ANKRD33B: variants seen among roughly 807,000 people sequenced by gnomAD.
ANKRD33B encodes ankyrin repeat domain 33B.
In ANKRD33B, 6 loss-of-function variants were observed where a neutral mutation model predicts 21.5. That is an observed-to-expected ratio of 0.28 (90% confidence interval 0.15 to 0.55). ANKRD33B has a LOEUF of 0.55. Ranked by LOEUF, ANKRD33B falls within the 20% of genes least tolerant of loss-of-function variation. ANKRD33B has a pLI of 0.94. For synonymous variants in ANKRD33B, 347 were observed against 342.4 expected (o/e 1.01, Z -0.15); for missense variants, 698 against 747.2 (o/e 0.93, Z 0.77).
At chr5:10,566,184 G>C (rs1560957531) in intron 1 of ANKRD33B, among the ~76,000 whole-genome samples, 1 of 152,190 alleles carries the variant, frequency 6.6e-6, no homozygotes, top group East Asian at 1.9e-4. Context: ...CTTGTCATAT[G>C]TTAGGCAGTG....
chr5:10,620,403 G>T (rs150480144), intron 2 of ANKRD33B, among the ~76,000 whole-genome samples: 1,594 of 152,224 alleles, frequency 0.01, 12 homozygotes, highest in South Asian at 0.016. Context: ...AAGTAAAGAG[G>T]TCTCCATGGC....
intron 3 of ANKRD33B, among the ~76,000 whole-genome samples, chr5:10,643,531 C>T (rs1737113238): frequency 6.6e-6 from 1 of 152,090 alleles, no homozygotes; most frequent in South Asian, 2.1e-4. Context: ...AGTGTGACAT[C>T]TTGGCCGGGC....
At chr5:10,621,445 T>C (rs767947058) in intron 2 of ANKRD33B, among the ~76,000 whole-genome samples, 9 of 152,240 alleles carry the variant, frequency 5.9e-5, no homozygotes, top group Non-Finnish European at 1.0e-4. Context: ...CCTTTCCATA[T>C]GCTTCCCCCA....
intron 2 of ANKRD33B, among the ~76,000 whole-genome samples, chr5:10,621,867 A>T (rs556275102): frequency 6.6e-6 from 1 of 152,188 alleles, no homozygotes; most frequent in Admixed American, 6.5e-5. Flanking sequence ...GAAGGTGGGG[A>T]TTTGGGGAAG....
chr5:10,612,764 G>A (rs1215286648), intron 1 of ANKRD33B, among the ~76,000 whole-genome samples: 1 of 152,060 alleles, frequency 6.6e-6, no homozygotes, highest in African/African-American at 2.4e-5. Flanking sequence ...ATTTTAATTT[G>A]CATTGTCTTA....
chr5:10,600,454 A>G (rs1321644458), intron 1 of ANKRD33B, among the ~76,000 whole-genome samples: 1 of 152,220 alleles, frequency 6.6e-6, no homozygotes, highest in Non-Finnish European at 1.5e-5. Context: ...GTTCAATGTA[A>G]TATGCATGAG....
Position 10,649,423 on chromosome 5 carries a change from G to T in ANKRD33B, c.795G>T (p.Pro265=). The T allele has an allele frequency of 1.3e-6, 2 of 1,535,368 alleles. No individual in the cohort carries two copies. Among genetic ancestry groups the T allele is most frequent in the Non-Finnish European group, 1.7e-6 (2 of 1,146,484 alleles). The change falls in exon 4 of 4, where the codon CCG becomes CCT. Residue 265 remains proline, a synonymous_variant. Coordinates refer to ENST00000296657, the MANE Select transcript of ANKRD33B (RefSeq NM_001164440.2). Reference sequence around the variant, plus strand: ...AGAAGTACCGGCCCGAGCTGCCGCCGCCCCCTGAAGCGGCGCGGAAGCCCG... The same window carrying T: ...AGAAGTACCGGCCCGAGCTGCCGCCTCCCCCTGAAGCGGCGCGGAAGCCCG... ...FWEKYRPELP[P]PPEAARKPAG...
intron 1 of ANKRD33B, among the ~76,000 whole-genome samples, chr5:10,566,025 T>G (rs1356096972): frequency 6.6e-6 from 1 of 152,186 alleles, no homozygotes; most frequent in Admixed American, 6.5e-5. Context: ...CCCTCCAATG[T>G]CACTCTCCCC....
chr5:10,649,751 G>A lies in ANKRD33B; in HGVS notation c.1123G>A (p.Asp375Asn), dbSNP rs1301094207. Residue 375 changes from aspartate to asparagine, a missense_variant, in exon 4 of 4, where the codon GAC becomes AAC. By Grantham distance (23) the Asp-to-Asn change is conservative (BLOSUM62 1). Coordinates refer to ENST00000296657, the MANE Select transcript of ANKRD33B (RefSeq NM_001164440.2). ...AGQRGRTGQE[D>N]ADSREGSPRA... ...GCAGCGCGGGCGGACCGGACAGGAGGACGCGGACTCCCGGGAGGGCTCCCC... is the reference window on the plus strand; with the variant it reads ...GCAGCGCGGGCGGACCGGACAGGAGAACGCGGACTCCCGGGAGGGCTCCCC... 2 of 1,448,588 alleles carry A rather than the reference G, an allele frequency of 1.4e-6. No individual in the cohort carries two copies. The highest frequency in any genetic ancestry group is 2.7e-5 in the East Asian group (1 of 37,006). The allele number at this position is 1,448,588 out of a possible 1,614,324, so 89.7% of individuals were successfully genotyped here. A position where few individuals can be genotyped will look rare whatever the true frequency, so the allele number is the denominator to read the frequency against.
chr5:10,564,280 C>G lies in ANKRD33B; in HGVS notation c.-188C>G, dbSNP rs1734993287. The G allele has an allele frequency of 4.2e-6, 1 of 236,358 alleles. No individual in the cohort carries two copies. Among genetic ancestry groups the G allele is most frequent in the African/African-American group, 2.3e-5 (1 of 42,954 alleles). The allele number at this position is 236,358 out of a possible 1,614,324, so 14.6% of individuals were successfully genotyped here. ...CCCGCGGTCCCGCCCACCCCAGGGGCTCGCTCAGCCTCCGGAGACTTTTTT... is the reference window on the plus strand; with the variant it reads ...CCCGCGGTCCCGCCCACCCCAGGGGGTCGCTCAGCCTCCGGAGACTTTTTT... On this transcript the variant is annotated 5_prime_UTR_variant, in exon 1 of 4. Coordinates refer to ENST00000296657, the MANE Select transcript of ANKRD33B (RefSeq NM_001164440.2).
chr5:10,571,201 G>A (rs1560959228), intron 1 of ANKRD33B, among the ~76,000 whole-genome samples: 1 of 151,664 alleles, frequency 6.6e-6, no homozygotes, highest in African/African-American at 2.4e-5. Flanking sequence ...AATCTTATTT[G>A]TTTATTTATT....
rs1736374965 is a variant in ANKRD33B at position 10,619,784 on chromosome 5, A to G, written c.496+1322A>G. Among the ~76,000 whole-genome samples, 1 of 152,202 alleles carries G rather than the reference A, an allele frequency of 6.6e-6. No homozygotes were observed. The highest frequency in any genetic ancestry group is 2.4e-5 in the African/African-American group (1 of 41,430). On this transcript the variant is annotated intron_variant, in intron 2 of 3. Coordinates refer to ENST00000296657, the MANE Select transcript of ANKRD33B (RefSeq NM_001164440.2). This position sits in a 1 kb window ranked among gnomAD's most constrained non-coding sequence, Gnocchi z 4.5. ...GGGCCAGCTGCCATGTCAGGGACCA[A>G]GGATACAGAAGTGCAGGGCAGCCCC...
rs1003226876 is a variant in ANKRD33B at position 10,649,432 on chromosome 5, A to G, written c.804A>G (p.Glu268=). 3.3e-6 allele frequency: 5 copies of G among 1,535,304 alleles called. No homozygotes were observed. The highest frequency in any genetic ancestry group is 4.4e-6 in the Non-Finnish European group (5 of 1,146,456). The change falls in exon 4 of 4, where the codon GAA becomes GAG. Residue 268 remains glutamate, a synonymous_variant. Coordinates refer to ENST00000296657, the MANE Select transcript of ANKRD33B (RefSeq NM_001164440.2). ...KYRPELPPPP[E]AARKPAGSKN... The stretch of plus-strand genomic sequence containing the variant: ...GGCCCGAGCTGCCGCCGCCCCCTGA[A>G]GCGGCGCGGAAGCCCGCGGGCTCCA...
At chr5:10,632,248 A>G (rs6554591) in intron 2 of ANKRD33B, among the ~76,000 whole-genome samples, 64,176 of 151,730 alleles carry the variant, frequency 0.42, 13,810 homozygotes, top group Middle Eastern at 0.55. Context: ...TGTTCCCTCT[A>G]TGAACTTGAA....
intron 1 of ANKRD33B, among the ~76,000 whole-genome samples, chr5:10,578,634 C>G (rs1735374312): frequency 1.3e-5 from 2 of 152,042 alleles, no homozygotes; most frequent in African/African-American, 2.4e-5. Flanking sequence ...AGATTAAATA[C>G]ATTTCTTGAA....
chr5:10,626,193 C>A lies in ANKRD33B; in HGVS notation c.496+7731C>A, dbSNP rs542541054. ...AGCCAACCCAGAAACCTCATTGGGG[C>A]GGAAACTGGGCAGGTGCTGTTGGTG... On this transcript the variant is annotated intron_variant, in intron 2 of 3. Transcript: ENST00000296657. 2.0e-5 allele frequency among the ~76,000 whole-genome samples: 3 copies of A among 152,324 alleles called. No homozygotes were observed. The South Asian group carries it at 6.2e-4, about 32-fold the overall frequency.
At chr5:10,579,814 A>C (rs1735405692) in intron 1 of ANKRD33B, among the ~76,000 whole-genome samples, 1 of 152,240 alleles carries the variant, frequency 6.6e-6, no homozygotes, top group African/African-American at 2.4e-5. Flanking sequence ...GAACCTTTTA[A>C]ATAACAGCTG....
At chr5:10,598,155 G>T (rs1346267724) in intron 1 of ANKRD33B, among the ~76,000 whole-genome samples, 1 of 152,142 alleles carries the variant, frequency 6.6e-6, no homozygotes, top group Non-Finnish European at 1.5e-5. Context: ...CCATTCAGTG[G>T]CGTCATCTCT....
Position 10,649,791 on chromosome 5 carries a change from C to T in ANKRD33B, c.1163C>T (p.Pro388Leu), listed in dbSNP as rs1484900169. 7.8e-6 allele frequency: 11 copies of T among 1,401,370 alleles called. No homozygotes were observed. Among genetic ancestry groups the T allele is most frequent in the East Asian group, 3.0e-5 (1 of 33,472 alleles). 86.8% of individuals were successfully genotyped at this position (1,401,370 alleles called of 1,614,324 possible). Residue 388 changes from proline (P) to leucine (L), a missense_variant, in exon 4 of 4, where the codon CCT (proline) becomes CTT (leucine). By Grantham distance (98) the Pro-to-Leu change is moderately conservative. Transcript: ENST00000296657. The stretch of plus-strand genomic sequence containing the variant: ...GAGGGCTCCCCGAGAGCCGGCCTCC[C>T]TCCCGCCCTGGGGTCCCGGGGCCCC... ...SREGSPRAGLPPALGSRGPAA... is the reference protein window; with the variant it reads ...SREGSPRAGLLPALGSRGPAA...
Sources: gnomAD v4.1 joint callset for allele counts (sites outside exome capture counted in the v4.1 genomes callset) on GRCh38, gnomAD v4.1.1 for gene constraint, Gnocchi (gnomAD v3.1) non-coding constraint, MANE v1.5 for transcripts, NCBI Gene and HGNC (gene_info 2026-07-23, HGNC 2026-07-21) for gene names.